The following GARNL3 variants were observed in gnomAD, a reference collection of about 807,000 sequenced individuals.
The protein encoded by GARNL3 is GTPase activating Rap/RanGAP domain like 3.
GARNL3 carries 63 observed loss-of-function variants against 125.0 expected under a neutral mutation model. That is an observed-to-expected ratio of 0.50 (90% CI 0.41 to 0.62). The LOEUF is 0.62. Ranked by LOEUF, GARNL3 falls within the 20% of genes least tolerant of loss-of-function variation. The probability of loss-of-function intolerance (pLI) is 0.00; values close to 1 mark genes in which losing one functional copy is unlikely to be tolerated. For missense variants in GARNL3, 994 were observed against 1,244.0 expected, an observed-to-expected ratio of 0.80 and a Z score of 3.02; for synonymous variants, 439 against 457.5, an observed-to-expected ratio of 0.96 and a Z score of 0.52.
chr9:127,391,533 A>AAAAAAAAAAAAAAAAAAAAAAAATATAT, intron 27 of GARNL3, among the ~76,000 whole-genome samples: 10 of 75,844 alleles, frequency 1.3e-4, no homozygotes, highest in Non-Finnish European at 2.5e-4. Context: ...ACAAAAAAAA[A>AAAAAAAAAAAAAAAAAAAAAAAATATAT]ATATATATAT....
intron 22 of GARNL3, among the ~76,000 whole-genome samples, chr9:127,378,673 G>GA (rs980910431): frequency 4.6e-5 from 7 of 151,100 alleles, no homozygotes; most frequent in African/African-American, 1.7e-4. Flanking sequence ...ACAAAAGAAA[G>GA]AAATCCAGTT....
intron 1 of GARNL3, among the ~76,000 whole-genome samples, chr9:127,226,921 A>G (rs888842814): frequency 2.0e-5 from 3 of 152,232 alleles, no homozygotes; most frequent in Admixed American, 6.5e-5. Flanking sequence ...AGTGGAATGC[A>G]TGGAGCAGCG....
chr9:127,258,578 G>T (rs114404438), intron 2 of GARNL3, among the ~76,000 whole-genome samples: 1 of 152,186 alleles, frequency 6.6e-6, no homozygotes, highest in Admixed American at 6.5e-5. Context: ...GTTTGAGGCT[G>T]CAGTGAGCTG....
At chr9:127,286,610 A>G (rs1469437712) in intron 1 of GARNL3, among the ~76,000 whole-genome samples, 1 of 152,182 alleles carries the variant, frequency 6.6e-6, no homozygotes, top group Non-Finnish European at 1.5e-5. Flanking sequence ...TGGTCACTAC[A>G]TTTTGAAATT....
intron 7 of GARNL3, among the ~76,000 whole-genome samples, chr9:127,325,630 C>T (rs2065546232): frequency 6.6e-6 from 1 of 152,114 alleles, no homozygotes. Flanking sequence ...TTGCTCAGGC[C>T]AAACTTGGAA....
intron 16 of GARNL3, among the ~76,000 whole-genome samples, chr9:127,348,509 C>T (rs1830260595): frequency 6.6e-6 from 1 of 152,180 alleles, no homozygotes. Flanking sequence ...GAATCAGCAA[C>T]ACAGGAATCT....
At chr9:127,240,030 T>C (rs1025934261) in intron 1 of GARNL3, among the ~76,000 whole-genome samples, 15 of 152,212 alleles carry the variant, frequency 9.9e-5, no homozygotes, top group African/African-American at 3.4e-4. Flanking sequence ...TATTCTGTAA[T>C]ATTCCAAATT....
Position 127,383,466 on chromosome 9 carries a change from C to G in GARNL3, c.2190C>G (p.Pro730=). The G allele has an allele frequency of 1.2e-6, 2 of 1,613,258 alleles. No homozygotes were observed. The highest frequency in any genetic ancestry group is 1.7e-6 in the Non-Finnish European group (2 of 1,179,628). ...NYSCIYKKVC[P]FNGGSFLVQP... Reference sequence around the variant, plus strand: ...GTTGCATCTATAAAAAGGTTTGCCCCTTTAATGGTGGCTCTTTTTTGGTTC... The same window carrying G: ...GTTGCATCTATAAAAAGGTTTGCCCGTTTAATGGTGGCTCTTTTTTGGTTC... The change falls in exon 23 of 28, where the codon CCC becomes CCG. Residue 730 remains proline, a synonymous_variant. Transcript: ENST00000373387.
At chr9:127,337,228 A>G (rs1416358732) in intron 11 of GARNL3, among the ~76,000 whole-genome samples, 1 of 152,096 alleles carries the variant, frequency 6.6e-6, no homozygotes, top group African/African-American at 2.4e-5. Flanking sequence ...TAGGACTAAT[A>G]TTTCCCCTTT....
chr9:127,305,877 G>C (rs1163624942), intron 2 of GARNL3, among the ~76,000 whole-genome samples: 2 of 152,104 alleles, frequency 1.3e-5, no homozygotes, highest in African/African-American at 4.8e-5. Context: ...TGGGATTATA[G>C]GCATGAACCA....
At chr9:127,365,148 A>G (rs906534759) in intron 21 of GARNL3, 152 bp from the exon 22 acceptor site, 12 of 651,384 alleles carry the variant, frequency 1.8e-5, no homozygotes, top group African/African-American at 7.4e-5. Flanking sequence ...CCAGCCCCCA[A>G]TGTGCATTGT....
chr9:127,393,345 CT>C lies in GARNL3; in HGVS notation c.*95del. ...GATGTAATTTCTCAACAAAATGTGGCTTTTAGCCTGTCAGTGATCTATTGGA... is the reference window on the plus strand; with the variant it reads ...GATGTAATTTCTCAACAAAATGTGGCTTTAGCCTGTCAGTGATCTATTGGA... On this transcript the variant is annotated 3_prime_UTR_variant, in exon 28 of 28. Transcript: ENST00000373387. The C allele has an allele frequency of 7.9e-7, 1 of 1,261,182 alleles. No homozygotes were observed. 78.1% of individuals were successfully genotyped at this position (1,261,182 alleles called of 1,614,324 possible).
chr9:127,324,300 C>T (rs1475813540), intron 6 of GARNL3, among the ~76,000 whole-genome samples: 1 of 152,120 alleles, frequency 6.6e-6, no homozygotes, highest in African/African-American at 2.4e-5. Context: ...TGGCTGAGTT[C>T]TGAATGAAAG....
chr9:127,344,835 C>T (rs1830053689), intron 15 of GARNL3, among the ~76,000 whole-genome samples: 1 of 152,176 alleles, frequency 6.6e-6, no homozygotes, highest in African/African-American at 2.4e-5. Context: ...TGGAGAAAAT[C>T]ACTCCCTTTG....
At chr9:127,324,632 T>G (rs2065508743) in intron 6 of GARNL3, among the ~76,000 whole-genome samples, 1 of 152,162 alleles carries the variant, frequency 6.6e-6, no homozygotes, top group Admixed American at 6.5e-5. Context: ...TTACAAACTT[T>G]TATATGGGGT....
chr9:127,320,543 T>A (rs959769494), intron 5 of GARNL3, among the ~76,000 whole-genome samples, 172 bp from the exon 6 acceptor site: 8 of 152,258 alleles, frequency 5.3e-5, no homozygotes, highest in African/African-American at 1.9e-4. Flanking sequence ...GCCAGTTATA[T>A]AAGTCAAGTA....
In GARNL3 at chr9:127,353,844, A is replaced by G. The variant is rs1455451752; in HGVS notation, c.1544-2A>G. ...GATGGGTAACCAGGTTTCCTTTTCC[A>G]GATGACCTTCCATCAGTGCCCGTGT... is the stretch of plus-strand genomic sequence containing the variant. On this transcript the variant is annotated splice_acceptor_variant, in intron 17 of 27. Coordinates refer to ENST00000373387, the MANE Select transcript of GARNL3 (RefSeq NM_032293.5). LOFTEE classifies it high-confidence loss of function. 6.2e-7 allele frequency: 1 copy of G among 1,607,676 alleles called. No individual in the cohort carries two copies. The highest frequency in any genetic ancestry group is 8.5e-7 in the Non-Finnish European group (1 of 1,174,076).
chr9:127,294,734 T>C (rs2064534532), intron 2 of GARNL3, among the ~76,000 whole-genome samples: 1 of 152,240 alleles, frequency 6.6e-6, no homozygotes, highest in Non-Finnish European at 1.5e-5. Context: ...TTTCATATAA[T>C]GTGACAAAAC....
chr9:127,375,119 C>T (rs867675645), intron 22 of GARNL3, among the ~76,000 whole-genome samples: 24 of 152,040 alleles, frequency 1.6e-4, no homozygotes, highest in African/African-American at 5.3e-4. Flanking sequence ...GTTAAACATT[C>T]GCTCACCATA....
Sources: gnomAD v4.1 joint callset for allele counts (sites outside exome capture counted in the v4.1 genomes callset) on GRCh38, gnomAD v4.1.1 for gene constraint, MANE v1.5 for transcripts, NCBI Gene and HGNC (gene_info 2026-07-23, HGNC 2026-07-21) for gene names.